The following CLK1 variants were observed in gnomAD, a reference collection of about 807,000 sequenced individuals.
CLK1 encodes dual specificity protein kinase CLK1.
CLK1 carries 40 observed loss-of-function variants against 60.9 expected under a neutral mutation model. The ratio of observed to expected loss-of-function variants is 0.66; its 90% CI spans 0.51 to 0.86. CLK1 has a LOEUF of 0.86. CLK1 is among the 40% of genes least tolerant of loss of function. The pLI is 0.00. For missense variants in CLK1, 563 were observed against 606.1 expected, an observed-to-expected ratio of 0.93 and a Z score of 0.75; for synonymous variants, 203 against 184.4, an observed-to-expected ratio of 1.10 and a Z score of -0.82.
At chr2:200,853,699 A>C (rs922874768) in intron 12 of CLK1, among the ~76,000 whole-genome samples, 1 of 150,302 alleles carries the variant, frequency 6.7e-6, no homozygotes, top group African/African-American at 2.4e-5. Flanking sequence ...AAAAAAAAAA[A>C]AAAAAAGCGT....
chr2:200,861,000 C>T (rs987955519), intron 3 of CLK1: 1 of 1,306,142 alleles, frequency 7.7e-7, no homozygotes. Flanking sequence ...AATCAATTAA[C>T]TCCCATCATT....
intron 3 of CLK1, 146 bp downstream of exon 3, chr2:200,861,092 A>C: frequency 6.9e-7 from 1 of 1,448,732 alleles, no homozygotes; most frequent in Non-Finnish European, 9.0e-7. Context: ...TTTCCTATCC[A>C]ATGCACAAAC....
chr2:200,863,662 A>G (rs921001560), intron 1 of CLK1, among the ~76,000 whole-genome samples: 1 of 152,172 alleles, frequency 6.6e-6, no homozygotes, highest in African/African-American at 2.4e-5. Flanking sequence ...GTTTGAGGCC[A>G]GCTTAATATG....
At chr2:200,863,726 C>T (rs1308172107) in intron 1 of CLK1, among the ~76,000 whole-genome samples, 1 of 152,022 alleles carries the variant, frequency 6.6e-6, no homozygotes, top group Non-Finnish European at 1.5e-5. Context: ...TCGTGGCGGG[C>T]GCCTGTAATC....
At chr2:200,859,773 A>T in intron 4 of CLK1, 27 bp from the exon 5 acceptor site, 1 of 1,610,574 alleles carries the variant, frequency 6.2e-7, no homozygotes, top group Admixed American at 1.7e-5. Flanking sequence ...AATCTCAGTC[A>T]TATCAAGAAG....
At chr2:200,864,347 G>A (rs2039194884) in intron 1 of CLK1, 2 of 1,292,164 alleles carry the variant, frequency 1.5e-6, no homozygotes, top group Non-Finnish European at 2.0e-6. Context: ...AGCAAACACC[G>A]TAACTACCCC....
chr2:200,857,342 CT>C (rs1240774144), intron 7 of CLK1: 3 of 260,080 alleles, frequency 1.2e-5, no homozygotes, highest in Non-Finnish European at 2.2e-5. Flanking sequence ...CCTCTGATTC[CT>C]TTCCCAAAGA....
chr2:200,857,064 G>A, intron 7 of CLK1, 79 bp from the exon 8 acceptor site: 3 of 1,120,248 alleles, frequency 2.7e-6, no homozygotes, highest in South Asian at 1.3e-5. Context: ...CAGGCCGGGT[G>A]CAGTGGCTCA....
intron 3 of CLK1, chr2:200,860,963 GTAA>G (rs1489123961): frequency 1.7e-6 from 2 of 1,198,470 alleles, no homozygotes; most frequent in Non-Finnish European, 2.1e-6. Flanking sequence ...AGAATATTTT[GTAA>G]TAATTTTCAA....
At position 200,864,617 on chromosome 2, in the gene CLK1, G is replaced by T. The variant is rs190445417; in HGVS notation, c.-54C>A. On this transcript the variant is annotated 5_prime_UTR_variant, in exon 1 of 13. Coordinates refer to ENST00000321356, the MANE Select transcript of CLK1 (RefSeq NM_004071.4). ...GAGACAAAGCTTGTAACGCAATCAC[G>T]GGAATCACGCAGCTGACTGCGTCGC... is the stretch of plus-strand genomic sequence containing the variant. The T allele has an allele frequency of 5.1e-4, 91 of 180,052 alleles. No homozygotes were observed. The highest frequency in any genetic ancestry group is 1.5e-3 in the African/African-American group (64 of 42,552). 11.2% of individuals were successfully genotyped at this position (180,052 alleles called of 1,614,324 possible). A position where few individuals can be genotyped will look rare whatever the true frequency, so the allele number is the denominator to read the frequency against.
intron 7 of CLK1, 68 bp from the exon 8 acceptor site, chr2:200,857,053 A>C: frequency 3.2e-6 from 4 of 1,267,700 alleles, no homozygotes; most frequent in Non-Finnish European, 4.5e-6. Context: ...AAACCCCACA[A>C]CAGGCCGGGT....
At chr2:200,854,236 A>G (rs2039000650) in intron 11 of CLK1, 1 of 371,300 alleles carries the variant, frequency 2.7e-6, no homozygotes, top group Non-Finnish European at 4.8e-6. Flanking sequence ...GAAAATTTAA[A>G]AAAAAAAATT....
chr2:200,859,695 C>T lies in CLK1; in HGVS notation c.533G>A (p.Cys178Tyr). Residue 178 changes from cysteine to tyrosine, a missense_variant, in exon 5 of 13, where the codon TGC (cysteine) becomes TAC (tyrosine). Cys to Tyr is a radical substitution (Grantham distance 194). Transcript: ENST00000321356. ...GGAAACTTACGCTTTATGATCGATG[C>T]ACTCCACAACTTTTCCAAAAGCTCC... is the stretch of plus-strand genomic sequence containing the variant. ...GEGAFGKVVE[C>Y]IDHKAGGRHV... is the part of the protein sequence containing the mutation. 6.2e-7 allele frequency: 1 copy of T among 1,613,152 alleles called. No individual in the cohort carries two copies. Among genetic ancestry groups the T allele is most frequent in the Non-Finnish European group, 8.5e-7 (1 of 1,179,582 alleles).
intron 9 of CLK1, among the ~76,000 whole-genome samples, chr2:200,855,571 G>C (rs528377164): frequency 6.6e-6 from 1 of 152,012 alleles, no homozygotes; most frequent in East Asian, 1.9e-4. Flanking sequence ...CTTGCGGTGA[G>C]CCGAGATCGC....
At chr2:200,861,925 T>TAATTACAAAGGTCCCCTC in intron 1 of CLK1, 63 bp from the exon 2 acceptor site, 3 of 1,479,928 alleles carry the variant, frequency 2.0e-6, no homozygotes, top group Non-Finnish European at 2.8e-6. Flanking sequence ...TTAAAATTCG[T>TAATTACAAAGGTCCCCTC]AATTACAAAG....
In CLK1 at chr2:200,864,268, C is replaced by G. The variant is rs535316475; in HGVS notation, c.-1+296G>C. ...GGCGGTTCACAACATGGCGCCCGCC[C>G]GACCGTCCCGCGTCAGGCGGCGCCG... On this transcript the variant is annotated intron_variant, in intron 1 of 12. Transcript: ENST00000321356. The G allele has an allele frequency of 1.4e-4, 206 of 1,501,338 alleles. No homozygotes were observed. In the East Asian group the frequency reaches 4.5e-3, roughly 33 times the overall value. 93.0% of individuals were successfully genotyped at this position (1,501,338 alleles called of 1,614,324 possible).
rs564904754 is a variant in CLK1, at chr2:200,854,699, G to A, written c.1141-4C>T. Reference sequence around the variant, plus strand: ...AATGCTCCTTACTATCGTGTGTCTAGAAATAAAATAAAAACAGACTTGGGG... The same window carrying A: ...AATGCTCCTTACTATCGTGTGTCTAAAAATAAAATAAAAACAGACTTGGGG... On this transcript the variant is annotated splice_polypyrimidine_tract_variant and splice_region_variant and intron_variant, in intron 10 of 12. Transcript: ENST00000321356. 134 of 1,593,362 alleles carry A rather than the reference G, an allele frequency of 8.4e-5. No homozygotes were observed. The South Asian group carries it at 1.3e-3, about 16-fold the overall frequency.
chr2:200,864,173 G>T, intron 1 of CLK1: 2 of 1,550,944 alleles, frequency 1.3e-6, no homozygotes, highest in East Asian at 2.4e-5. Flanking sequence ...CCCTCAACGG[G>T]GAGCCTCGCC....
At chr2:200,853,481 C>G (rs776453536) in intron 12 of CLK1, 32 bp from the exon 13 acceptor site, 2 of 1,586,072 alleles carry the variant, frequency 1.3e-6, no homozygotes, top group Admixed American at 3.5e-5. Context: ...ATTCAACAGC[C>G]TTTTCCACTA....
Sources: allele counts gnomAD v4.1 joint callset (sites outside exome capture counted in the v4.1 genomes callset), GRCh38; gene constraint gnomAD v4.1.1; transcripts MANE v1.5; gene names NCBI Gene and HGNC (gene_info 2026-07-23, HGNC 2026-07-21).